The following DIPK1A variants were observed in gnomAD, a reference collection of about 807,000 sequenced individuals.
DIPK1A encodes the protein divergent protein kinase domain 1A.
Under a neutral mutation model 40.8 loss-of-function variants are expected in DIPK1A, and 27 were observed. The ratio of observed to expected loss-of-function variants is 0.66; its 90% CI spans 0.49 to 0.91. DIPK1A has a LOEUF of 0.91. Among genes scored for constraint, DIPK1A ranks in the 40% least tolerant of loss-of-function variants. The pLI is 0.00. For missense variants in DIPK1A, 412 were observed against 505.7 expected, an observed-to-expected ratio of 0.81 and a Z score of 1.78; for synonymous variants, 166 against 171.3, an observed-to-expected ratio of 0.97 and a Z score of 0.24.
intron 2 of DIPK1A, among the ~76,000 whole-genome samples, chr1:92,870,071 TATATACAC>T (rs768529028): frequency 2.6e-4 from 8 of 30,336 alleles, no homozygotes; most frequent in Admixed American, 8.9e-4. Flanking sequence ...ACATGAATTA[TATATACAC>T]ACACACACAC....
chr1:92,927,847 T>C (rs1650583753), intron 1 of DIPK1A, among the ~76,000 whole-genome samples: 1 of 152,254 alleles, frequency 6.6e-6, no homozygotes, highest in African/African-American at 2.4e-5. Context: ...ATTTTATTTT[T>C]CCATTCGTCA....
chr1:92,905,975 G>A (rs1040554014), intron 1 of DIPK1A, among the ~76,000 whole-genome samples: 1 of 151,978 alleles, frequency 6.6e-6, no homozygotes, highest in African/African-American at 2.4e-5. Flanking sequence ...CTGTTCCCTT[G>A]GTCTCTGTGC....
chr1:92,936,411 C>T (rs772041099), intron 1 of DIPK1A, among the ~76,000 whole-genome samples: 4 of 151,832 alleles, frequency 2.6e-5, no homozygotes, highest in South Asian at 2.1e-4. Flanking sequence ...GCAGATCACC[C>T]GAGGTCGGGA....
chr1:92,841,023 A>G (rs1416666738), downstream of DIPK1A, among the ~76,000 whole-genome samples: 2 of 152,264 alleles, frequency 1.3e-5, no homozygotes, highest in East Asian at 3.8e-4. Context: ...TATTTAACAT[A>G]TTCACCTCAA....
intron 1 of DIPK1A, among the ~76,000 whole-genome samples, chr1:92,938,527 A>T (rs1342232706): frequency 6.6e-6 from 1 of 152,086 alleles, no homozygotes; most frequent in Non-Finnish European, 1.5e-5. Flanking sequence ...CATATACCAA[A>T]GACAGACAAT....
At chr1:92,956,647 C>A (rs1219432103) in intron 1 of DIPK1A, among the ~76,000 whole-genome samples, 1 of 152,178 alleles carries the variant, frequency 6.6e-6, no homozygotes, top group Non-Finnish European at 1.5e-5. Context: ...ATCAGTAACC[C>A]TGTCTGGCAC....
intron 1 of DIPK1A, among the ~76,000 whole-genome samples, chr1:92,894,031 T>C (rs1441657015): frequency 3.3e-5 from 5 of 152,050 alleles, no homozygotes; most frequent in Admixed American, 6.6e-5. Context: ...CAAAGAGACT[T>C]AGACTCCCAC....
rs769224551 is a variant in DIPK1A at position 92,961,449 on chromosome 1, G to A, written c.-20C>T. ...CGCCATGGTAATCACACATCGCCCC[G>A]CCGCGCTGCAGTCAGAGGCGGACCC... On this transcript the variant is annotated 5_prime_UTR_variant, in exon 1 of 5. Transcript: ENST00000370310. 13 of 1,481,092 alleles carry A rather than the reference G, an allele frequency of 8.8e-6. No homozygotes were observed. The highest frequency in any genetic ancestry group is 9.9e-6 in the Non-Finnish European group (11 of 1,109,258). The allele number at this position is 1,481,092 out of a possible 1,614,324, so 91.7% of individuals were successfully genotyped here.
chr1:92,923,946 G>C (rs138622663), intron 1 of DIPK1A, among the ~76,000 whole-genome samples: 1 of 152,152 alleles, frequency 6.6e-6, no homozygotes, highest in Non-Finnish European at 1.5e-5. Flanking sequence ...GACTCTTTTC[G>C]TTATTAGTCC....
chr1:92,924,756 G>C (rs1650422657), intron 1 of DIPK1A, among the ~76,000 whole-genome samples: 1 of 152,226 alleles, frequency 6.6e-6, no homozygotes, highest in Non-Finnish European at 1.5e-5. Flanking sequence ...CTGTCGGCAG[G>C]AGCACTTGTG....
intron 1 of DIPK1A, among the ~76,000 whole-genome samples, chr1:92,923,101 C>A (rs537882186): frequency 6.6e-6 from 1 of 152,258 alleles, no homozygotes; most frequent in Non-Finnish European, 1.5e-5. Context: ...CCCTTTTCAT[C>A]TCAGCCTATT....
chr1:92,837,184 A>C (rs1463133893), downstream of DIPK1A: 1 of 593,092 alleles, frequency 1.7e-6, no homozygotes, highest in Non-Finnish European at 3.1e-6. Flanking sequence ...TCCTGTGCTG[A>C]TGTGCTGGAT....
In DIPK1A at chr1:92,880,739, G is replaced by A. The variant is rs192457508; in HGVS notation, c.55-4309C>T. ...AAAAAAATTGGCTGGGCGTGGTGGC[G>A]TGCACCTGTAATCCCAGCCACTTGG... is the stretch of plus-strand genomic sequence containing the variant. On this transcript the variant is annotated intron_variant, in intron 1 of 4. Coordinates refer to ENST00000370310, the MANE Select transcript of DIPK1A (RefSeq NM_001006605.5). Among the ~76,000 whole-genome samples, 8 of 152,012 alleles carry A rather than the reference G, an allele frequency of 5.3e-5. No individual in the cohort carries two copies. In the East Asian group the frequency reaches 5.8e-4, roughly 11 times the overall value.
Position 92,854,737 on chromosome 1 carries a change from C to T in DIPK1A, c.190-3782G>A, listed in dbSNP as rs190490342. 2.1e-3 allele frequency among the ~76,000 whole-genome samples: 327 copies of T among 152,318 alleles called. 2 individuals carry two copies. The highest frequency in any genetic ancestry group is 7.6e-3 in the African/African-American group (314 of 41,568). Reference sequence around the variant, plus strand: ...TCTTAAACTCAAGTTTGGGAGGCCACTTGGGAGAGGCCCAATGCCTTTCTT... The same window carrying T: ...TCTTAAACTCAAGTTTGGGAGGCCATTTGGGAGAGGCCCAATGCCTTTCTT... On this transcript the variant is annotated intron_variant, in intron 2 of 4. Transcript: ENST00000370310.
At chr1:92,904,892 A>G (rs1649552013) in intron 1 of DIPK1A, among the ~76,000 whole-genome samples, 1 of 152,182 alleles carries the variant, frequency 6.6e-6, no homozygotes, top group Non-Finnish European at 1.5e-5. Flanking sequence ...CAAATAAGTG[A>G]GAACATGTGA....
intron 1 of DIPK1A, among the ~76,000 whole-genome samples, chr1:92,930,346 T>C (rs1650695881): frequency 1.3e-5 from 2 of 152,214 alleles, no homozygotes; most frequent in Non-Finnish European, 2.9e-5. Context: ...CTCTCTTTCA[T>C]ATCTGAGTTT....
intron 1 of DIPK1A, among the ~76,000 whole-genome samples, chr1:92,947,222 T>TACAGAAAA (rs1342693754): frequency 6.6e-6 from 1 of 152,094 alleles, no homozygotes; most frequent in Admixed American, 6.5e-5. Context: ...TACATCAAAA[T>TACAGAAAA]ACAGAAAATC....
intron 1 of DIPK1A, among the ~76,000 whole-genome samples, chr1:92,889,406 T>A (rs1047276016): frequency 2.6e-5 from 4 of 152,240 alleles, no homozygotes; most frequent in African/African-American, 9.6e-5. Flanking sequence ...AGCTTTGTAG[T>A]ATATTTCGAA....
At chr1:92,865,175 A>C (rs931397021) in intron 2 of DIPK1A, among the ~76,000 whole-genome samples, 1 of 151,998 alleles carries the variant, frequency 6.6e-6, no homozygotes, top group Non-Finnish European at 1.5e-5. Context: ...CAGCCTGGGC[A>C]ACACAGTGAT....
Sources: gnomAD v4.1 joint callset for allele counts (sites outside exome capture counted in the v4.1 genomes callset) on GRCh38, gnomAD v4.1.1 for gene constraint, MANE v1.5 for transcripts, NCBI Gene and HGNC (gene_info 2026-07-23, HGNC 2026-07-21) for gene names.